The following SIPA1L1 variants were observed in gnomAD, a reference collection of about 807,000 sequenced individuals.
SIPA1L1 encodes the protein signal-induced proliferation-associated 1-like protein 1.
SIPA1L1 carries 26 observed loss-of-function variants against 162.7 expected under a neutral mutation model. That is an observed-to-expected ratio of 0.16 (90% CI 0.12 to 0.22). The LOEUF (loss-of-function observed/expected upper bound fraction) is 0.22, where lower values mean the gene tolerates loss of function less well. Ranked by LOEUF, SIPA1L1 falls within the 10% of genes least tolerant of loss-of-function variation. The pLI, the probability that SIPA1L1 is intolerant of heterozygous loss-of-function variation, is 1.00. For synonymous variants in SIPA1L1, 829 were observed against 837.4 expected, an observed-to-expected ratio of 0.99 and a Z score of 0.17; for missense variants, 1,874 against 2,241.0, an observed-to-expected ratio of 0.84 and a Z score of 3.31.
chr14:71,367,890 A>G (rs2038490323), intron 2 of SIPA1L1, among the ~76,000 whole-genome samples: 1 of 146,546 alleles, frequency 6.8e-6, no homozygotes, highest in Non-Finnish European at 1.5e-5. Context: ...TACAGGCATG[A>G]GCCAGCGTGC....
chr14:71,726,550 G>T (rs1447643398), intron 19 of SIPA1L1, among the ~76,000 whole-genome samples: 1 of 152,174 alleles, frequency 6.6e-6, no homozygotes, highest in Non-Finnish European at 1.5e-5. Context: ...GTCTGATTTT[G>T]TCCTTATTCC....
chr14:71,669,238 A>G (rs2044298398), intron 10 of SIPA1L1, among the ~76,000 whole-genome samples: 2 of 152,180 alleles, frequency 1.3e-5, no homozygotes, highest in African/African-American at 2.4e-5. Context: ...ACAGTTCATT[A>G]TAGCTGTTTC....
chr14:71,341,997 C>T (rs540553071), intron 2 of SIPA1L1, among the ~76,000 whole-genome samples: 5 of 152,020 alleles, frequency 3.3e-5, no homozygotes, highest in Admixed American at 1.3e-4. Context: ...AGTAGAATGA[C>T]TTGCTCTTCT....
At chr14:71,409,265 G>C (rs2042237737) in intron 2 of SIPA1L1, among the ~76,000 whole-genome samples, 1 of 150,848 alleles carries the variant, frequency 6.6e-6, no homozygotes, top group Admixed American at 6.6e-5. Flanking sequence ...CCTGGCCTTT[G>C]ATGATGGGAT....
At chr14:71,663,323 C>A (rs1036824964) in intron 10 of SIPA1L1, among the ~76,000 whole-genome samples, 2 of 152,088 alleles carry the variant, frequency 1.3e-5, no homozygotes, top group Non-Finnish European at 2.9e-5. Context: ...TTTAGACTTA[C>A]CGCATATCTC....
intron 2 of SIPA1L1, among the ~76,000 whole-genome samples, chr14:71,471,390 A>G (rs951445344): frequency 1.2e-4 from 18 of 152,048 alleles, no homozygotes; most frequent in Non-Finnish European, 2.1e-4. Flanking sequence ...AACTGCTTGA[A>G]CCCAAGAGGC....
At chr14:71,566,911 GTA>G (rs575542712) in intron 4 of SIPA1L1, among the ~76,000 whole-genome samples, 329 of 152,160 alleles carry the variant, frequency 2.2e-3, no homozygotes, top group African/African-American at 7.5e-3. Context: ...AAAGTCAGAC[GTA>G]TATGTCTAAT....
intron 2 of SIPA1L1, among the ~76,000 whole-genome samples, chr14:71,480,712 A>G (rs942109317): frequency 6.6e-6 from 1 of 152,144 alleles, no homozygotes; most frequent in African/African-American, 2.4e-5. Flanking sequence ...AAGTGAGCCA[A>G]GATTGCACCA....
intron 2 of SIPA1L1, chr14:71,400,827 C>T (rs756259026): frequency 2.6e-5 from 4 of 152,146 alleles, no homozygotes; most frequent in Non-Finnish European, 4.4e-5. Context: ...TTGAAGCTCT[C>T]CTTTTCTACC....
At chr14:71,371,118 T>G (rs575785835) in intron 2 of SIPA1L1, among the ~76,000 whole-genome samples, 1 of 152,282 alleles carries the variant, frequency 6.6e-6, no homozygotes, top group East Asian at 1.9e-4. Flanking sequence ...GTTTTCTCAT[T>G]GGTGACATAC....
intron 2 of SIPA1L1, among the ~76,000 whole-genome samples, chr14:71,408,773 A>G (rs182275888): frequency 6.6e-5 from 10 of 152,162 alleles, no homozygotes; most frequent in Admixed American, 2.6e-4. Context: ...CACAGCTGCA[A>G]TTCTCCTGCC....
chr14:71,543,281 G>T (rs907146478), intron 4 of SIPA1L1, among the ~76,000 whole-genome samples: 1 of 152,192 alleles, frequency 6.6e-6, no homozygotes, highest in African/African-American at 2.4e-5. Context: ...AAAATGCAAA[G>T]GTCTTAGTTG....
At chr14:71,344,547 A>ATCTG (rs369305460) in intron 2 of SIPA1L1, among the ~76,000 whole-genome samples, 3,083 of 151,844 alleles carry the variant, frequency 0.02, 102 homozygotes, top group African/African-American at 0.07. Flanking sequence ...AAATTTCTCT[A>ATCTG]TCTGTCTGTC....
chr14:71,674,753 A>G (rs796674890), intron 12 of SIPA1L1, among the ~76,000 whole-genome samples: 41 of 151,008 alleles, frequency 2.7e-4, no homozygotes, highest in African/African-American at 9.7e-4. Flanking sequence ...TTTAGTAGAG[A>G]CGGGGTTTCA....
chr14:71,500,457 C>G (rs2050118410), intron 2 of SIPA1L1, among the ~76,000 whole-genome samples: 1 of 152,134 alleles, frequency 6.6e-6, no homozygotes, highest in African/African-American at 2.4e-5. Flanking sequence ...TATATTCTTA[C>G]CAGTAGAACA....
chr14:71,417,073 C>T (rs1300721203), intron 2 of SIPA1L1, among the ~76,000 whole-genome samples: 1 of 152,024 alleles, frequency 6.6e-6, no homozygotes, highest in South Asian at 2.1e-4. Flanking sequence ...TCGACTCCTC[C>T]AGAACTTAAC....
intron 2 of SIPA1L1, among the ~76,000 whole-genome samples, chr14:71,414,449 A>C (rs1443955078): frequency 6.6e-6 from 1 of 152,234 alleles, no homozygotes; most frequent in Non-Finnish European, 1.5e-5. Context: ...TGATTTATCA[A>C]ATGTCCGATA....
intron 2 of SIPA1L1, among the ~76,000 whole-genome samples, chr14:71,456,128 G>T (rs772278700): frequency 6.6e-6 from 1 of 152,174 alleles, no homozygotes; most frequent in Non-Finnish European, 1.5e-5. Context: ...CAGAACCCTG[G>T]TGTTGAGATA....
chr14:71,356,585 A>AAAAAAAAAAAAAAAAAAAAAAAAC (rs1316274254), intron 2 of SIPA1L1, among the ~76,000 whole-genome samples: 1 of 147,018 alleles, frequency 6.8e-6, no homozygotes, highest in Non-Finnish European at 1.5e-5. Flanking sequence ...AAAAAAAAAA[A>AAAAAAAAAAAAAAAAAAAAAAAAC]AAGCACACCT....
Sources: gnomAD v4.1 joint callset for allele counts (sites outside exome capture counted in the v4.1 genomes callset) on GRCh38, gnomAD v4.1.1 for gene constraint, MANE v1.5 for transcripts, NCBI Gene and HGNC (gene_info 2026-07-23, HGNC 2026-07-21) for gene names.